MRPL13: variants seen among roughly 807,000 people sequenced by gnomAD.
The protein encoded by MRPL13 is large ribosomal subunit protein uL13m.
MRPL13 carries 33 observed loss-of-function variants against 29.0 expected under a neutral mutation model. The ratio of observed to expected loss-of-function variants is 1.14; its 90% CI spans 0.86 to 1.52. The LOEUF (loss-of-function observed/expected upper bound fraction) is 1.52, where lower values mean the gene tolerates loss of function less well. Ranked by LOEUF, MRPL13 falls within the 40% of genes most tolerant of loss-of-function variation. The probability of loss-of-function intolerance (pLI) is 0.00; values close to 1 mark genes in which losing one functional copy is unlikely to be tolerated. For synonymous variants in MRPL13, 77 were observed against 68.4 expected (o/e 1.13, Z -0.62); for missense variants, 227 against 216.7 (o/e 1.05, Z -0.30).
At chr8:120,416,833 C>T (rs1410297487) in intron 5 of MRPL13, among the ~76,000 whole-genome samples, 1 of 152,130 alleles carries the variant, frequency 6.6e-6, no homozygotes, top group Non-Finnish European at 1.5e-5. Flanking sequence ...CTCCTAGTCT[C>T]CCTATAGAAC....
intron 6 of MRPL13, among the ~76,000 whole-genome samples, chr8:120,400,411 G>A (rs1049742962): frequency 1.3e-5 from 2 of 152,012 alleles, no homozygotes; most frequent in Admixed American, 6.6e-5. Context: ...AGAAATCAAG[G>A]AGTTCTTTGA....
intron 3 of MRPL13, among the ~76,000 whole-genome samples, chr8:120,426,031 C>A (rs936810625): frequency 6.6e-6 from 1 of 152,062 alleles, no homozygotes; most frequent in Non-Finnish European, 1.5e-5. Context: ...AGTGTAATAT[C>A]AGGCAACTCA....
chr8:120,396,102 T>G lies in MRPL13; in HGVS notation c.*2A>C. 6.3e-7 allele frequency: 1 copy of G among 1,585,286 alleles called. No homozygotes were observed. The highest frequency in any genetic ancestry group is 8.6e-7 in the Non-Finnish European group (1 of 1,161,462). On this transcript the variant is annotated 3_prime_UTR_variant, in exon 7 of 7. Coordinates refer to ENST00000306185, the MANE Select transcript of MRPL13 (RefSeq NM_014078.6). Reference sequence around the variant, plus strand: ...CTGTTATTTTCTGCAATTCTTATTCTCTTATAGCCGATAATCTTCAGGTCT... The same window carrying G: ...CTGTTATTTTCTGCAATTCTTATTCGCTTATAGCCGATAATCTTCAGGTCT...
At chr8:120,442,131 C>T (rs574867935) in intron 2 of MRPL13, among the ~76,000 whole-genome samples, 42 of 152,222 alleles carry the variant, frequency 2.8e-4, no homozygotes, top group African/African-American at 8.9e-4. Context: ...TATTTGTCAT[C>T]GAGAAAATGC....
intron 2 of MRPL13, among the ~76,000 whole-genome samples, chr8:120,438,303 T>G (rs1164966008): frequency 6.6e-6 from 1 of 152,212 alleles, no homozygotes; most frequent in East Asian, 1.9e-4. Context: ...ATGGCTCCAT[T>G]GCACTGCAGC....
At chr8:120,401,083 C>T (rs1359716993) in intron 6 of MRPL13, among the ~76,000 whole-genome samples, 1 of 152,126 alleles carries the variant, frequency 6.6e-6, no homozygotes. Flanking sequence ...TAAAGAAGAG[C>T]TGGTACCATG....
At chr8:120,415,126 C>T (rs1413488768) in intron 5 of MRPL13, 1 of 152,064 alleles carries the variant, frequency 6.6e-6, no homozygotes, top group African/African-American at 2.4e-5. Flanking sequence ...AAAGAATGAA[C>T]ATTTATATTG....
intron 6 of MRPL13, among the ~76,000 whole-genome samples, chr8:120,408,219 T>G (rs947775177): frequency 3.9e-5 from 6 of 152,248 alleles, no homozygotes; most frequent in Admixed American, 6.5e-5. Flanking sequence ...ATCAACATAC[T>G]TTTAAATAAA....
At chr8:120,423,424 A>G (rs577203974) in intron 4 of MRPL13, among the ~76,000 whole-genome samples, 1 of 152,112 alleles carries the variant, frequency 6.6e-6, no homozygotes, top group South Asian at 2.1e-4. Flanking sequence ...AACCAAATAA[A>G]TAAGACTGTA....
intron 2 of MRPL13, among the ~76,000 whole-genome samples, chr8:120,432,688 T>C (rs1434761216): frequency 6.6e-6 from 1 of 152,100 alleles, no homozygotes; most frequent in Admixed American, 6.6e-5. Flanking sequence ...ATAGTAAATT[T>C]AAACTGCTAC....
chr8:120,425,292 TA>T lies in MRPL13; in HGVS notation c.306+13del. On this transcript the variant is annotated intron_variant, in intron 4 of 6. Transcript: ENST00000306185. ...CTTTCCAAAGATGATTAATAAAAAA[TA>T]CAAGAAACTTACTGCCACTGGATCC... 1 of 1,602,962 alleles carries T rather than the reference TA, an allele frequency of 6.2e-7. No homozygotes were observed. The highest frequency in any genetic ancestry group is 2.2e-5 in the East Asian group (1 of 44,706).
At chr8:120,409,114 C>G (rs943320941) in intron 6 of MRPL13, among the ~76,000 whole-genome samples, 1 of 152,126 alleles carries the variant, frequency 6.6e-6, no homozygotes, top group African/African-American at 2.4e-5. Flanking sequence ...ACTGAAACAC[C>G]AGGAACACAG....
Position 120,443,270 on chromosome 8 carries a change from A to C in MRPL13, c.66T>G (p.Asp22Glu). 1 of 1,607,214 alleles carries C rather than the reference A, an allele frequency of 6.2e-7. No individual in the cohort carries two copies. The highest frequency in any genetic ancestry group is 8.5e-7 in the Non-Finnish European group (1 of 1,176,924). ...GTTTGCCAGGTGGCTGCATTTTCCC[A>C]TCTAAGAGATACCATATTCTAGCAA... ...ATFARIWYLLDGKMQPPGKLA... is the reference protein window; with the variant it reads ...ATFARIWYLLEGKMQPPGKLA... Residue 22 changes from aspartate to glutamate, a missense_variant, in exon 2 of 7, where the codon GAT becomes GAG. Physicochemically the swap from Asp to Glu is conservative, Grantham distance 45. Transcript: ENST00000306185.
chr8:120,443,401 C>CAT, intron 1 of MRPL13, 93 bp from the exon 2 acceptor site: 1 of 1,132,360 alleles, frequency 8.8e-7, no homozygotes, highest in Non-Finnish European at 1.2e-6. Context: ...TATCATATAT[C>CAT]ATCACGTTTC....
chr8:120,445,124 TCTC>T lies in MRPL13; in HGVS notation c.-33_-31del, dbSNP rs529676995. On this transcript the variant is annotated 5_prime_UTR_variant, in exon 1 of 7. Transcript: ENST00000306185. Reference sequence around the variant, plus strand: ...CTCTACTAGCAGGACCGTACGTCCTTCTCCTAGTAGCCACGCCGGGTCACTCAG... The same window carrying T: ...CTCTACTAGCAGGACCGTACGTCCTTCTAGTAGCCACGCCGGGTCACTCAG... 6.8e-6 allele frequency: 11 copies of T among 1,613,602 alleles called. No homozygotes were observed. In the East Asian group the frequency reaches 2.5e-4, roughly 36 times the overall value.
intron 2 of MRPL13, 72 bp downstream of exon 2, chr8:120,443,113 T>C (rs561738258): frequency 9.7e-6 from 13 of 1,335,898 alleles, no homozygotes; most frequent in Admixed American, 8.4e-5. Context: ...CTCAGCCCTG[T>C]TAAACTTCAT....
At chr8:120,437,413 G>C (rs1813067383) in intron 2 of MRPL13, among the ~76,000 whole-genome samples, 2 of 152,054 alleles carry the variant, frequency 1.3e-5, no homozygotes, top group East Asian at 3.9e-4. Flanking sequence ...TCTAATTTTA[G>C]CAAAGCTAAA....
intron 5 of MRPL13, among the ~76,000 whole-genome samples, chr8:120,417,345 A>C (rs994716306): frequency 9.2e-5 from 14 of 152,180 alleles, no homozygotes; most frequent in Non-Finnish European, 2.1e-4. Context: ...TTTACAAATA[A>C]TAAATACTCT....
intron 6 of MRPL13, among the ~76,000 whole-genome samples, chr8:120,404,106 A>G (rs1403403757): frequency 1.3e-5 from 2 of 152,226 alleles, no homozygotes; most frequent in African/African-American, 2.4e-5. Context: ...ATGTGACTCA[A>G]TATACGCAAA....
Sources: gnomAD v4.1 joint callset for allele counts (sites outside exome capture counted in the v4.1 genomes callset) on GRCh38, gnomAD v4.1.1 for gene constraint, MANE v1.5 for transcripts, NCBI Gene and HGNC (gene_info 2026-07-23, HGNC 2026-07-21) for gene names.